GAS6: variants seen among roughly 807,000 people sequenced by gnomAD.
GAS6 encodes growth arrest specific 6, also known as growth arrest-specific protein 6.
A neutral mutation model predicts 75.8 loss-of-function variants in GAS6; 41 were observed. The ratio of observed to expected loss-of-function variants is 0.54; its 90% confidence interval spans 0.42 to 0.70. The LOEUF (loss-of-function observed/expected upper bound fraction) is 0.70, where lower values mean the gene tolerates loss of function less well. Ranked by LOEUF, GAS6 falls within the 30% of genes least tolerant of loss-of-function variation. The probability of loss-of-function intolerance (pLI) is 0.00; values close to 1 mark genes in which losing one functional copy is unlikely to be tolerated. For missense variants in GAS6, 854 were observed against 940.2 expected, an observed-to-expected ratio of 0.91 and a Z score of 1.20; for synonymous variants, 432 against 412.6, an observed-to-expected ratio of 1.05 and a Z score of -0.57.
chr13:113,855,836 G>C (rs1027896650), intron 2 of GAS6, among the ~76,000 whole-genome samples: 2 of 152,196 alleles, frequency 1.3e-5, no homozygotes, highest in Non-Finnish European at 2.9e-5. Flanking sequence ...TTCTCCTCCA[G>C]CTTTATCCAA....
At chr13:113,851,043 GA>G (rs2051869321) in intron 2 of GAS6, among the ~76,000 whole-genome samples, 1 of 151,058 alleles carries the variant, frequency 6.6e-6, no homozygotes, top group Non-Finnish European at 1.5e-5. Flanking sequence ...ATGAATGGAT[GA>G]GTGGATAGAG....
At chr13:113,853,820 C>T (rs1336335213) in intron 2 of GAS6, among the ~76,000 whole-genome samples, 1 of 152,252 alleles carries the variant, frequency 6.6e-6, no homozygotes, top group Non-Finnish European at 1.5e-5. Context: ...CGCCGTCTTA[C>T]AGACCCTTGG....
At chr13:113,834,365 A>T (rs1312083312) in intron 8 of GAS6, among the ~76,000 whole-genome samples, 186 bp downstream of exon 8, 1 of 152,240 alleles carries the variant, frequency 6.6e-6, no homozygotes, top group Non-Finnish European at 1.5e-5. Flanking sequence ...TAGAGACTCT[A>T]TAAATACAAC....
intron 2 of GAS6, among the ~76,000 whole-genome samples, chr13:113,859,194 ATGTC>A (rs2051947504): frequency 6.9e-6 from 1 of 144,660 alleles, no homozygotes; most frequent in Non-Finnish European, 1.5e-5. Flanking sequence ...TTGTGTGTGC[ATGTC>A]TGTGTGTGTG....
intron 8 of GAS6, among the ~76,000 whole-genome samples, chr13:113,833,898 C>A (rs1158009253): frequency 6.8e-6 from 1 of 147,964 alleles, no homozygotes; most frequent in Non-Finnish European, 1.5e-5. Context: ...GTGTGACAGG[C>A]AGTGGTGTGA....
intron 11 of GAS6, among the ~76,000 whole-genome samples, chr13:113,827,815 C>A (rs1031901687): frequency 6.6e-6 from 1 of 152,218 alleles, no homozygotes. Context: ...AGACACAGGT[C>A]GGGGGCACGG....
chr13:113,862,017 A>G (rs1467344334), intron 2 of GAS6, among the ~76,000 whole-genome samples: 1 of 152,198 alleles, frequency 6.6e-6, no homozygotes, highest in Non-Finnish European at 1.5e-5. Context: ...ATGTGACGCA[A>G]CCGCAGTTGT....
In GAS6 at chr13:113,863,665, C is replaced by T. The variant is rs1420669862; in HGVS notation, c.165G>A (p.Glu55=). The T allele has an allele frequency of 6.6e-7, 1 of 1,522,246 alleles. No individual in the cohort carries two copies. The highest frequency in any genetic ancestry group is 8.8e-7 in the Non-Finnish European group (1 of 1,134,996). 94.3% of individuals were successfully genotyped at this position (1,522,246 alleles called of 1,614,324 possible). ...CCCTCTCCAGGTGGCCCTGCTTGGC[C>T]TCCTCGAAGACCTGAAAGGCGCGGC... ...RQRRAFQVFE[E]AKQGHLEREC... The change falls in exon 2 of 15, where the codon GAG becomes GAA. Residue 55 remains glutamate, a synonymous_variant. Coordinates refer to ENST00000327773, the MANE Select transcript of GAS6 (RefSeq NM_000820.4). The surrounding 1 kb of genome is among the most constrained non-coding windows in gnomAD (Gnocchi z 9.4).
At chr13:113,858,149 T>C (rs530155075) in intron 2 of GAS6, among the ~76,000 whole-genome samples, 37 of 152,376 alleles carry the variant, frequency 2.4e-4, no homozygotes, top group Non-Finnish European at 2.4e-4. Flanking sequence ...GCTGCAGCTG[T>C]CAGTGGTCTT....
In GAS6 at chr13:113,826,996, T is replaced by C; in HGVS notation, c.1477A>G (p.Met493Val). Residue 493 changes from methionine to valine, a missense_variant and splice_region_variant, in exon 12 of 15, where the codon ATG (methionine) becomes GTG (valine). By Grantham distance (21) the Met-to-Val change is conservative (BLOSUM62 1). Transcript: ENST00000327773. ...SGFAFYSLDY[M>V]RTPLDVGTES... is the part of the protein sequence containing the mutation. ...CCCAACGGTAAGAGCCAAGACTTAC[T>C]GTAGTCCAGGCTGTAGAAGGCGAAG... 6.2e-7 allele frequency: 1 copy of C among 1,612,442 alleles called. No homozygotes were observed. Among genetic ancestry groups the C allele is most frequent in the Non-Finnish European group, 8.5e-7 (1 of 1,179,622 alleles).
chr13:113,858,584 TGA>T (rs2051934854), intron 2 of GAS6, among the ~76,000 whole-genome samples: 1 of 151,404 alleles, frequency 6.6e-6, no homozygotes, highest in Admixed American at 6.6e-5. Context: ...TGTCTGTGTG[TGA>T]CTGTGTACGT....
chr13:113,836,931 AT>A (rs2051723451), intron 6 of GAS6, among the ~76,000 whole-genome samples: 1 of 126,660 alleles, frequency 7.9e-6, no homozygotes, highest in Non-Finnish European at 1.7e-5. Flanking sequence ...GAAGAGGAAG[AT>A]GGGGAGGAGG....
At chr13:113,861,746 G>T (rs989019528) in intron 2 of GAS6, among the ~76,000 whole-genome samples, 70 of 152,258 alleles carry the variant, frequency 4.6e-4, no homozygotes, top group African/African-American at 1.4e-3. Context: ...TCCACCTGCC[G>T]GCAGGAACCG....
chr13:113,863,302 A>T lies in GAS6; in HGVS notation c.255+273T>A, dbSNP rs193045500. 3.9e-5 allele frequency among the ~76,000 whole-genome samples: 6 copies of T among 152,028 alleles called. No individual in the cohort carries two copies. Among genetic ancestry groups the T allele is most frequent in the Admixed American group, 1.3e-4 (2 of 15,284 alleles). Reference sequence around the variant, plus strand: ...GTTTTAACCATTGTGTTTCTCTCGCACTTTGGAAACGGACTCCCGGCTTCC... The same window carrying T: ...GTTTTAACCATTGTGTTTCTCTCGCTCTTTGGAAACGGACTCCCGGCTTCC... On this transcript the variant is annotated intron_variant, in intron 2 of 14. Transcript: ENST00000327773. The surrounding 1 kb of genome is among the most constrained non-coding windows in gnomAD (Gnocchi z 9.4).
Position 113,820,676 on chromosome 13 carries a change from G to C in GAS6, c.*188C>G. 2 of 652,930 alleles carry C rather than the reference G, an allele frequency of 3.1e-6. No homozygotes were observed. Among genetic ancestry groups the C allele is most frequent in the Non-Finnish European group, 2.5e-6 (1 of 394,846 alleles). 40.4% of individuals were successfully genotyped at this position (652,930 alleles called of 1,614,324 possible). A position where few individuals can be genotyped will look rare whatever the true frequency, so the allele number is the denominator to read the frequency against. On this transcript the variant is annotated 3_prime_UTR_variant, in exon 15 of 15. Coordinates refer to ENST00000327773, the MANE Select transcript of GAS6 (RefSeq NM_000820.4). ...GCGCTGCGCCGGCCTCCCCGCGCCCGGGCCCACGGCTGAGTGCGCGGCGTC... is the reference window on the plus strand; with the variant it reads ...GCGCTGCGCCGGCCTCCCCGCGCCCCGGCCCACGGCTGAGTGCGCGGCGTC...
At chr13:113,833,124 G>A in intron 8 of GAS6, 1 of 1,171,108 alleles carries the variant, frequency 8.5e-7, no homozygotes, top group Non-Finnish European at 1.1e-6. Flanking sequence ...TGGCTGTCCT[G>A]GAAAGTTCCC....
At chr13:113,833,780 G>A (rs1039603922) in intron 8 of GAS6, 7 of 1,019,404 alleles carry the variant, frequency 6.9e-6, no homozygotes, top group African/African-American at 5.2e-5. Context: ...AGACACTGGT[G>A]TGACAAGTCA....
chr13:113,841,623 A>ACCCCACAGTTTCCTCCATACG (rs2051779743), intron 4 of GAS6: 1 of 74,696 alleles, frequency 1.3e-5, no homozygotes. Flanking sequence ...TCCTCCATAC[A>ACCCCACAGTTTCCTCCATACG]CCCCACAGTT....
chr13:113,852,544 A>T (rs1309350564), intron 2 of GAS6, among the ~76,000 whole-genome samples: 1 of 152,182 alleles, frequency 6.6e-6, no homozygotes, highest in Non-Finnish European at 1.5e-5. Context: ...GTGTCTGATG[A>T]GTAGATGCCA....
Sources: gnomAD v4.1 joint callset for allele counts (sites outside exome capture counted in the v4.1 genomes callset) on GRCh38, gnomAD v4.1.1 for gene constraint, Gnocchi (gnomAD v3.1) non-coding constraint, MANE v1.5 for transcripts, NCBI Gene and HGNC (gene_info 2026-07-23, HGNC 2026-07-21) for gene names.